Variants in PTPRN2 observed in about 807,000 individuals in gnomAD.
PTPRN2 encodes the protein receptor-type tyrosine-protein phosphatase N2.
In PTPRN2, 74 loss-of-function variants were observed where a neutral mutation model predicts 118.8. The observed-to-expected ratio is 0.62, with a 90% confidence interval of 0.52 to 0.76. The LOEUF (loss-of-function observed/expected upper bound fraction) is 0.76, where lower values mean the gene tolerates loss of function less well. PTPRN2 is among the 30% of genes least tolerant of loss of function. PTPRN2 has a pLI of 0.00. For synonymous variants in PTPRN2, 641 were observed against 608.0 expected, an observed-to-expected ratio of 1.05 and a Z score of -0.80; for missense variants, 1,481 against 1,394.4, an observed-to-expected ratio of 1.06 and a Z score of -0.99.
chr7:158,351,763 CA>C (rs1054881670), intron 2 of PTPRN2, among the ~76,000 whole-genome samples: 4 of 152,228 alleles, frequency 2.6e-5, no homozygotes, highest in East Asian at 3.9e-4. Flanking sequence ...CATTTTCATT[CA>C]GGGGGGCTTG....
chr7:158,270,488 TA>T (rs1382607601), intron 3 of PTPRN2, among the ~76,000 whole-genome samples: 1 of 152,028 alleles, frequency 6.6e-6, no homozygotes, highest in Non-Finnish European at 1.5e-5. Context: ...TCACTGGCCA[TA>T]ACGTGCCCCC....
chr7:158,110,093 G>A (rs777661660), intron 10 of PTPRN2, among the ~76,000 whole-genome samples: 10 of 152,196 alleles, frequency 6.6e-5, no homozygotes, highest in Non-Finnish European at 1.5e-4. Context: ...TCCACAGGCA[G>A]GTGGGCACAC....
At position 157,615,437 on chromosome 7, in the gene PTPRN2, AG is replaced by A. The variant is rs781314406; in HGVS notation, c.2344+5924del. ...TCTCAGGGCTGTTTCGAGGATGAAA[AG>A]GAGGTGTTTAGCCCCGAGCCTCACG... On this transcript the variant is annotated intron_variant, in intron 15 of 22. Coordinates refer to ENST00000389418, the MANE Select transcript of PTPRN2 (RefSeq NM_002847.5). The surrounding 1 kb of genome is among the most constrained non-coding windows in gnomAD (Gnocchi z 4.3). The A allele has an allele frequency of 2.1e-6, 1 of 471,122 alleles. No individual in the cohort carries two copies. Among genetic ancestry groups the A allele is most frequent in the Non-Finnish European group, 4.4e-6 (1 of 227,044 alleles). 29.2% of individuals were successfully genotyped at this position (471,122 alleles called of 1,614,324 possible).
intron 11 of PTPRN2, among the ~76,000 whole-genome samples, chr7:157,919,704 A>C (rs1273334911): frequency 6.6e-6 from 1 of 152,220 alleles, no homozygotes; most frequent in Non-Finnish European, 1.5e-5. Flanking sequence ...AGGACACATA[A>C]TCACAGATGC....
At chr7:157,965,846 T>G (rs1307877468) in intron 11 of PTPRN2, among the ~76,000 whole-genome samples, 1 of 152,172 alleles carries the variant, frequency 6.6e-6, no homozygotes, top group Non-Finnish European at 1.5e-5. Context: ...TACCAAAAAC[T>G]TAACCCAAAA....
At chr7:157,966,993 G>GT (rs1262678427) in intron 11 of PTPRN2, among the ~76,000 whole-genome samples, 2 of 152,182 alleles carry the variant, frequency 1.3e-5, no homozygotes, top group East Asian at 3.8e-4. Flanking sequence ...GGCTGCTGTT[G>GT]TAACAAATCA....
At chr7:158,195,355 T>A (rs1360466718) in intron 4 of PTPRN2, among the ~76,000 whole-genome samples, 1 of 152,190 alleles carries the variant, frequency 6.6e-6, no homozygotes, top group Admixed American at 6.5e-5. Context: ...GAAATGCACC[T>A]TTTTTTCCTC....
chr7:158,562,525 G>A (rs577698815), intron 1 of PTPRN2, among the ~76,000 whole-genome samples: 3 of 152,166 alleles, frequency 2.0e-5, no homozygotes, highest in Admixed American at 6.5e-5. Context: ...CAGCAGCAGA[G>A]GAAATGCAAA....
rs952909118 is a variant in PTPRN2, at chr7:158,517,558, C to T, written c.113-27773G>A. On this transcript the variant is annotated intron_variant, in intron 1 of 22. Transcript: ENST00000389418. The surrounding 1 kb of genome is among the most constrained non-coding windows in gnomAD (Gnocchi z 5.3). ...TGGCCTCGCTGCCCCTCTGCAATCTCCTCCAACAGCCGCCAGGATCATCTT... is the reference window on the plus strand; with the variant it reads ...TGGCCTCGCTGCCCCTCTGCAATCTTCTCCAACAGCCGCCAGGATCATCTT... 1.3e-5 allele frequency among the ~76,000 whole-genome samples: 2 copies of T among 152,160 alleles called. No individual in the cohort carries two copies. The highest frequency in any genetic ancestry group is 4.8e-5 in the African/African-American group (2 of 41,432).
intron 2 of PTPRN2, among the ~76,000 whole-genome samples, chr7:158,322,488 G>A (rs903709423): frequency 9.3e-5 from 14 of 150,764 alleles, no homozygotes; most frequent in African/African-American, 3.4e-4. Context: ...CCCGGTGGGC[G>A]ACGGGGAGGG....
At chr7:157,895,000 G>GA (rs1416969822) in intron 12 of PTPRN2, among the ~76,000 whole-genome samples, 1 of 151,752 alleles carries the variant, frequency 6.6e-6, no homozygotes, top group Non-Finnish European at 1.5e-5. Flanking sequence ...CCTGCTGAGG[G>GA]TAAGCTCACA....
At chr7:158,131,784 C>T (rs373692770) in intron 9 of PTPRN2, among the ~76,000 whole-genome samples, 25 of 147,812 alleles carry the variant, frequency 1.7e-4, no homozygotes, top group African/African-American at 5.8e-4. Context: ...CACATCTACC[C>T]GACATACACA....
At chr7:158,161,384 C>A (rs767810141) in intron 6 of PTPRN2, among the ~76,000 whole-genome samples, 1 of 152,170 alleles carries the variant, frequency 6.6e-6, no homozygotes, top group Non-Finnish European at 1.5e-5. Flanking sequence ...GTTGATGACA[C>A]AGACAAACAG....
At chr7:158,556,167 G>GTGAT (rs1477014421) in intron 1 of PTPRN2, among the ~76,000 whole-genome samples, 3 of 152,230 alleles carry the variant, frequency 2.0e-5, no homozygotes, top group African/African-American at 7.2e-5. Context: ...ATATAGATGG[G>GTGAT]TGATTGATAG....
At chr7:158,000,493 C>T (rs969877915) in intron 11 of PTPRN2, among the ~76,000 whole-genome samples, 4 of 151,518 alleles carry the variant, frequency 2.6e-5, no homozygotes, top group African/African-American at 9.7e-5. Context: ...CTTCTTCCTC[C>T]TCCTCTTTAT....
intron 11 of PTPRN2, among the ~76,000 whole-genome samples, chr7:157,940,632 C>T (rs1020215427): frequency 6.7e-6 from 1 of 149,916 alleles, no homozygotes; most frequent in African/African-American, 2.5e-5. Flanking sequence ...TGTGACACTG[C>T]AAATCTAACA....
intron 2 of PTPRN2, among the ~76,000 whole-genome samples, chr7:158,390,287 G>A (rs537521284): frequency 1.1e-4 from 16 of 152,322 alleles, no homozygotes; most frequent in South Asian, 2.1e-4. Flanking sequence ...AGGGGCAGCC[G>A]GCACCTGGAA....
At chr7:158,530,462 C>T (rs1178420183) in intron 1 of PTPRN2, among the ~76,000 whole-genome samples, 1 of 152,184 alleles carries the variant, frequency 6.6e-6, no homozygotes, top group Admixed American at 6.5e-5. Context: ...GCCACAGACT[C>T]AGCTCTGCTC....
intron 6 of PTPRN2, among the ~76,000 whole-genome samples, chr7:158,149,646 A>T (rs1820729804): frequency 6.6e-6 from 1 of 152,110 alleles, no homozygotes; most frequent in Non-Finnish European, 1.5e-5. Context: ...TCTACTAAAA[A>T]TACAAAAATG....
Sources: allele counts gnomAD v4.1 joint callset (sites outside exome capture counted in the v4.1 genomes callset), GRCh38; gene constraint gnomAD v4.1.1; non-coding constraint Gnocchi (gnomAD v3.1); transcripts MANE v1.5; gene names NCBI Gene and HGNC (gene_info 2026-07-23, HGNC 2026-07-21).